RBPJ: variants seen among roughly 807,000 people sequenced by gnomAD.
RBPJ encodes recombination signal binding protein for immunoglobulin kappa J region, also known as recombining binding protein suppressor of hairless.
Under a neutral mutation model 67.8 loss-of-function variants are expected in RBPJ, and 9 were observed. The ratio of observed to expected loss-of-function variants is 0.13; its 90% CI spans 0.08 to 0.23. RBPJ has a LOEUF of 0.23. RBPJ is among the 10% of genes least tolerant of loss of function. The probability of loss-of-function intolerance (pLI) is 1.00; values close to 1 mark genes in which losing one functional copy is unlikely to be tolerated. For missense variants in RBPJ, 305 were observed against 595.6 expected (o/e 0.51, Z 5.08); for synonymous variants, 198 against 203.3 (o/e 0.97, Z 0.22).
upstream of RBPJ, among the ~76,000 whole-genome samples, chr4:26,162,821 C>A (rs1251274755): frequency 6.6e-6 from 1 of 152,168 alleles, no homozygotes; most frequent in Non-Finnish European, 1.5e-5. Flanking sequence ...CATCTAGGCC[C>A]CCCACTACAG....
At chr4:26,387,310 A>G (rs547753373) in intron 2 of RBPJ, among the ~76,000 whole-genome samples, 2 of 152,324 alleles carry the variant, frequency 1.3e-5, no homozygotes, top group South Asian at 2.1e-4. Flanking sequence ...CACTTTGGTT[A>G]TCAAGGTAAA....
chr4:26,395,084 A>G (rs1731982041), intron 2 of RBPJ, among the ~76,000 whole-genome samples: 1 of 152,162 alleles, frequency 6.6e-6, no homozygotes. Flanking sequence ...TATGGAAATA[A>G]TCAGTTTCTG....
intron 1 of RBPJ, among the ~76,000 whole-genome samples, chr4:26,293,893 G>A (rs953435775): frequency 2.0e-5 from 3 of 151,960 alleles, no homozygotes; most frequent in Admixed American, 6.6e-5. Context: ...CAGTAGCTGG[G>A]ATTACAGGCA....
chr4:26,156,436 T>TTTTTC, the RBPJ span, among the ~76,000 whole-genome samples: 1 of 146,940 alleles, frequency 6.8e-6, no homozygotes, highest in Non-Finnish European at 1.5e-5. Context: ...TTTTTTTTTT[T>TTTTTC]GAGACAGAGT....
At chr4:26,216,137 C>A (rs1418399443) in intron 1 of RBPJ, among the ~76,000 whole-genome samples, 3 of 152,156 alleles carry the variant, frequency 2.0e-5, no homozygotes, top group African/African-American at 7.2e-5. Context: ...CATCACATGG[C>A]CTTCTGCTCT....
chr4:26,378,984 C>T (rs1730038145), intron 1 of RBPJ, among the ~76,000 whole-genome samples: 1 of 152,072 alleles, frequency 6.6e-6, no homozygotes, highest in Non-Finnish European at 1.5e-5. Flanking sequence ...CAAGATTGTG[C>T]CACTGCACTC....
intron 1 of RBPJ, among the ~76,000 whole-genome samples, chr4:26,247,474 G>A (rs539072669): frequency 2.6e-5 from 4 of 152,114 alleles, no homozygotes; most frequent in South Asian, 2.1e-4. Context: ...GCAATGTCAC[G>A]ATCTTGGCTC....
intron 3 of RBPJ, 68 bp downstream of exon 3, chr4:26,406,338 A>G (rs1368080895): frequency 7.2e-6 from 7 of 978,398 alleles, no homozygotes; most frequent in Non-Finnish European, 9.9e-6. Context: ...ATGTATTAAT[A>G]TACATGTCAG....
rs1719567222 is a variant in RBPJ, at chr4:26,239,630, C to T, written c.-167+76016C>T. 2.0e-5 allele frequency among the ~76,000 whole-genome samples: 3 copies of T among 151,014 alleles called. No individual in the cohort carries two copies. The South Asian group carries it at 6.3e-4, about 31-fold the overall frequency. The stretch of plus-strand genomic sequence containing the variant: ...AACCAAGGATCCCAGGATACATTTT[C>T]AGAGCAGTCATGGTGTAGTTAATGC... On this transcript the variant is annotated intron_variant, in intron 1 of 4. Coordinates refer to the RBPJ transcript ENST00000512351.
At chr4:26,185,782 G>A (rs947399281) in intron 1 of RBPJ, among the ~76,000 whole-genome samples, 1 of 152,142 alleles carries the variant, frequency 6.6e-6, no homozygotes, top group Non-Finnish European at 1.5e-5. Flanking sequence ...GACTGGGGCC[G>A]GGCACGGTGG....
chr4:26,252,490 G>A (rs1474228256), intron 1 of RBPJ, among the ~76,000 whole-genome samples: 2 of 152,148 alleles, frequency 1.3e-5, no homozygotes, highest in South Asian at 2.1e-4. Flanking sequence ...GAAGGCTGAG[G>A]CAGGAGAATC....
At chr4:26,116,694 G>A in the RBPJ span, among the ~76,000 whole-genome samples, 1 of 152,246 alleles carries the variant, frequency 6.6e-6, no homozygotes, top group Non-Finnish European at 1.5e-5. Flanking sequence ...ACAAGGTGCT[G>A]TAAAGCCACT....
the RBPJ span, among the ~76,000 whole-genome samples, chr4:26,148,683 C>A: frequency 6.6e-6 from 1 of 152,230 alleles, no homozygotes; most frequent in Non-Finnish European, 1.5e-5. Context: ...CAGTGCTATT[C>A]CTGGCAGTTT....
chr4:26,376,389 T>C (rs1381939552), intron 1 of RBPJ, among the ~76,000 whole-genome samples: 1 of 152,248 alleles, frequency 6.6e-6, no homozygotes, highest in Non-Finnish European at 1.5e-5. Flanking sequence ...ATTTGTCCTT[T>C]TGTGTTTGGC....
chr4:26,296,109 T>C (rs909113112), intron 1 of RBPJ, among the ~76,000 whole-genome samples: 1 of 152,178 alleles, frequency 6.6e-6, no homozygotes, highest in African/African-American at 2.4e-5. Flanking sequence ...AAGTGGAGTT[T>C]AGAGGGACTA....
At chr4:26,368,518 T>G (rs1728843920) in intron 1 of RBPJ, among the ~76,000 whole-genome samples, 1 of 152,226 alleles carries the variant, frequency 6.6e-6, no homozygotes. Flanking sequence ...TTCAAAGCTT[T>G]GTGTCTTTCC....
At chr4:26,409,896 A>T (rs1302427664) in intron 3 of RBPJ, 2 of 330,730 alleles carry the variant, frequency 6.0e-6, no homozygotes, top group Non-Finnish European at 1.2e-5. Context: ...GTCCTCTAAA[A>T]AATGAACAAA....
intron 1 of RBPJ, among the ~76,000 whole-genome samples, chr4:26,376,492 T>C (rs558552370): frequency 2.4e-4 from 36 of 152,400 alleles, no homozygotes; most frequent in African/African-American, 8.7e-4. Context: ...CCATCATATG[T>C]ATGTATGTAC....
intron 1 of RBPJ, among the ~76,000 whole-genome samples, chr4:26,354,354 G>A (rs1727127565): frequency 1.3e-5 from 2 of 151,872 alleles, no homozygotes; most frequent in South Asian, 4.2e-4. Context: ...TAGAAGGCAG[G>A]ATTTTTGTTT....
Sources: gnomAD v4.1 joint callset for allele counts (sites outside exome capture counted in the v4.1 genomes callset) on GRCh38, gnomAD v4.1.1 for gene constraint, MANE v1.5 for transcripts, NCBI Gene and HGNC (gene_info 2026-07-23, HGNC 2026-07-21) for gene names.